The following ATP11A variants were observed in gnomAD, a reference collection of about 807,000 sequenced individuals.
ATP11A encodes the protein phospholipid-transporting ATPase IH.
Under a neutral mutation model 154.4 loss-of-function variants are expected in ATP11A, and 81 were observed. The observed-to-expected ratio is 0.52, with a 90% CI of 0.44 to 0.63. The LOEUF is 0.63. Ranked by LOEUF, ATP11A falls within the 30% of genes least tolerant of loss-of-function variation. ATP11A has a pLI of 0.00. For synonymous variants in ATP11A, 623 were observed against 585.9 expected, an observed-to-expected ratio of 1.06 and a Z score of -0.91; for missense variants, 1,316 against 1,474.3, an observed-to-expected ratio of 0.89 and a Z score of 1.76.
At chr13:112,863,519 A>G (rs35703447) in intron 25 of ATP11A, among the ~76,000 whole-genome samples, 1 of 132,366 alleles carries the variant, frequency 7.6e-6, no homozygotes, top group South Asian at 2.5e-4. Flanking sequence ...CCACGTGCGC[A>G]ATAATTCAGC....
At chr13:112,793,784 G>A (rs558705041) in intron 2 of ATP11A, among the ~76,000 whole-genome samples, 2 of 152,366 alleles carry the variant, frequency 1.3e-5, no homozygotes, top group East Asian at 3.9e-4. Flanking sequence ...GCGGGCGCCT[G>A]GGCTGCTGGC....
chr13:112,691,517 A>G (rs990711745), intron 1 of ATP11A, among the ~76,000 whole-genome samples: 1 of 148,506 alleles, frequency 6.7e-6, no homozygotes, highest in Non-Finnish European at 1.5e-5. Context: ...TAGGAGAGGA[A>G]GAAAACTGTC....
At chr13:112,692,375 A>G (rs1566333018) in intron 1 of ATP11A, among the ~76,000 whole-genome samples, 1 of 152,162 alleles carries the variant, frequency 6.6e-6, no homozygotes, top group Non-Finnish European at 1.5e-5. Context: ...CACCCTTTGG[A>G]GAATCCCCCC....
chr13:112,715,581 C>T (rs1475482667), intron 1 of ATP11A, among the ~76,000 whole-genome samples: 3 of 96,322 alleles, frequency 3.1e-5, no homozygotes, highest in African/African-American at 1.0e-4. Context: ...CTGGCTGATC[C>T]TCCCTACCTG....
intron 1 of ATP11A, among the ~76,000 whole-genome samples, chr13:112,777,018 T>G (rs965625320): frequency 2.0e-5 from 3 of 152,230 alleles, no homozygotes; most frequent in Non-Finnish European, 4.4e-5. Context: ...TCTTGCCCCT[T>G]GAGCCTCTCT....
intron 1 of ATP11A, among the ~76,000 whole-genome samples, chr13:112,759,089 A>G (rs948896293): frequency 6.6e-6 from 1 of 152,220 alleles, no homozygotes; most frequent in Admixed American, 6.5e-5. Flanking sequence ...TGTGCAGGGT[A>G]TAGAAATTCA....
intron 2 of ATP11A, among the ~76,000 whole-genome samples, chr13:112,791,102 A>G (rs1166920504): frequency 6.6e-6 from 1 of 152,170 alleles, no homozygotes; most frequent in Non-Finnish European, 1.5e-5. Flanking sequence ...TTCCAAGCTT[A>G]TATGTACTTC....
chr13:112,806,413 A>C, intron 4 of ATP11A, 120 bp downstream of exon 4: 1 of 748,932 alleles, frequency 1.3e-6, no homozygotes, highest in Non-Finnish European at 2.2e-6. Flanking sequence ...ACCAAGTTCT[A>C]GAAATTCATT....
chr13:112,821,517 T>G (rs1433127454), intron 8 of ATP11A, among the ~76,000 whole-genome samples: 1 of 152,190 alleles, frequency 6.6e-6, no homozygotes, highest in Non-Finnish European at 1.5e-5. Context: ...TTTTGCCATG[T>G]CGGTCAAGCT....
At position 112,881,943 on chromosome 13, in the gene ATP11A, T is replaced by C. The variant is rs150131074; in HGVS notation, c.*77T>C. 627 of 1,367,594 alleles carry C rather than the reference T, an allele frequency of 4.6e-4. 3 individuals carry two copies. The highest frequency in any genetic ancestry group is 1.1e-3 in the Admixed American group (57 of 52,566). The allele number at this position is 1,367,594 out of a possible 1,614,324, so 84.7% of individuals were successfully genotyped here. A position where few individuals can be genotyped will look rare whatever the true frequency, so the allele number is the denominator to read the frequency against. On this transcript the variant is annotated 3_prime_UTR_variant, in exon 30 of 30. Coordinates refer to ENST00000375645, the MANE Select transcript of ATP11A (RefSeq NM_015205.3). Reference sequence around the variant, plus strand: ...AGCTCCCACTCTCAGCAGGTGACACTCGCGGCCTGGAAGGAGAAGGTGTCC... The same window carrying C: ...AGCTCCCACTCTCAGCAGGTGACACCCGCGGCCTGGAAGGAGAAGGTGTCC...
intron 2 of ATP11A, among the ~76,000 whole-genome samples, chr13:112,791,219 A>G (rs1210471286): frequency 1.3e-5 from 2 of 152,230 alleles, no homozygotes; most frequent in African/African-American, 4.8e-5. Context: ...AGGTGTCCAC[A>G]TACGGTGCCA....
intron 2 of ATP11A, among the ~76,000 whole-genome samples, chr13:112,798,379 G>A (rs146077470): frequency 3.9e-5 from 6 of 152,312 alleles, no homozygotes; most frequent in South Asian, 4.1e-4. Flanking sequence ...GGGATCCACT[G>A]CCTCAGCCTC....
At chr13:112,871,674 T>TG (rs1566599366) in intron 25 of ATP11A, 61 bp from the exon 26 acceptor site, 1 of 1,514,858 alleles carries the variant, frequency 6.6e-7, no homozygotes, top group Non-Finnish European at 9.2e-7. Context: ...AAACTCTTGA[T>TG]TGTGAAAGAG....
chr13:112,797,071 G>T (rs1168833085), intron 2 of ATP11A, among the ~76,000 whole-genome samples: 2 of 152,002 alleles, frequency 1.3e-5, no homozygotes, highest in African/African-American at 4.8e-5. Context: ...GACAAGACTG[G>T]CCAACATGGT....
chr13:112,730,470 C>G (rs1371076362), intron 1 of ATP11A, among the ~76,000 whole-genome samples: 1 of 152,190 alleles, frequency 6.6e-6, no homozygotes, highest in Non-Finnish European at 1.5e-5. Flanking sequence ...TGATGAACTC[C>G]CCTGCTGATG....
chr13:112,845,796 A>G (rs1469212902), intron 17 of ATP11A, among the ~76,000 whole-genome samples: 1 of 84,056 alleles, frequency 1.2e-5, no homozygotes, highest in African/African-American at 6.0e-5. Flanking sequence ...TCCAGTTTCC[A>G]GGCACTAGTG....
intron 2 of ATP11A, 129 bp from the exon 3 acceptor site, chr13:112,804,828 T>C (rs1304454199): frequency 1.9e-6 from 1 of 527,090 alleles, no homozygotes; most frequent in African/African-American, 2.0e-5. Context: ...AAATTATGAA[T>C]TATGAGTTTT....
intron 7 of ATP11A, 148 bp downstream of exon 7, chr13:112,819,555 A>G (rs2078739421): frequency 2.9e-6 from 2 of 680,760 alleles, no homozygotes; most frequent in African/African-American, 1.8e-5. Context: ...TCAAAAATAC[A>G]TTACTTATTT....
chr13:112,834,738 G>A (rs1436057741), intron 15 of ATP11A, 78 bp downstream of exon 15: 2 of 1,184,194 alleles, frequency 1.7e-6, no homozygotes, highest in Non-Finnish European at 2.5e-6. Context: ...GCGTTTGAGG[G>A]AAAAGACAAG....
Sources: allele counts gnomAD v4.1 joint callset (sites outside exome capture counted in the v4.1 genomes callset), GRCh38; gene constraint gnomAD v4.1.1; transcripts MANE v1.5; gene names NCBI Gene and HGNC (gene_info 2026-07-23, HGNC 2026-07-21).